Variants in ARL15 observed in about 807,000 individuals in gnomAD.
The protein encoded by ARL15 is ARF like GTPase 15.
ARL15 carries 19 observed loss-of-function variants against 25.2 expected under a neutral mutation model. The ratio of observed to expected loss-of-function variants is 0.75; its 90% CI spans 0.53 to 1.10. The LOEUF (loss-of-function observed/expected upper bound fraction) is 1.10, where lower values mean the gene tolerates loss of function less well. Among genes scored for constraint, ARL15 ranks in the 50% least tolerant of loss-of-function variants. ARL15 has a pLI of 0.00. For missense variants in ARL15, 220 were observed against 246.0 expected, an observed-to-expected ratio of 0.89 and a Z score of 0.71; for synonymous variants, 94 against 86.8, an observed-to-expected ratio of 1.08 and a Z score of -0.46.
At chr5:53,933,985 T>G (rs1746278087) in intron 4 of ARL15, among the ~76,000 whole-genome samples, 1 of 152,200 alleles carries the variant, frequency 6.6e-6, no homozygotes, top group African/African-American at 2.4e-5. Flanking sequence ...AAATAATTTT[T>G]CTTTTACTCT....
intron 4 of ARL15, among the ~76,000 whole-genome samples, chr5:53,988,788 G>A (rs763411709): frequency 2.0e-5 from 3 of 152,148 alleles, no homozygotes; most frequent in Non-Finnish European, 4.4e-5. Context: ...AGGTGCTGCC[G>A]ATAGATGAGT....
intron 2 of ARL15, among the ~76,000 whole-genome samples, chr5:54,161,658 G>C (rs944689470): frequency 6.6e-6 from 1 of 152,094 alleles, no homozygotes; most frequent in Non-Finnish European, 1.5e-5. Context: ...GATGTTATTT[G>C]TAAGTGTGGT....
At chr5:54,302,968 A>T (rs2112716373) in intron 1 of ARL15, among the ~76,000 whole-genome samples, 1 of 152,232 alleles carries the variant, frequency 6.6e-6, no homozygotes, top group African/African-American at 2.4e-5. Flanking sequence ...AAGCCCCTCA[A>T]TAATTTAATT....
intron 1 of ARL15, among the ~76,000 whole-genome samples, chr5:54,192,883 A>T (rs1420052640): frequency 1.3e-5 from 2 of 152,164 alleles, no homozygotes; most frequent in African/African-American, 4.8e-5. Context: ...GGAAATATGG[A>T]GGATATTGGT....
chr5:54,206,798 A>C (rs1755882773), intron 1 of ARL15, among the ~76,000 whole-genome samples: 2 of 152,180 alleles, frequency 1.3e-5, no homozygotes, highest in Non-Finnish European at 2.9e-5. Context: ...ATGTAAGGGC[A>C]GCCAACCTTA....
At chr5:53,916,293 T>TGAA (rs5867901) in intron 4 of ARL15, among the ~76,000 whole-genome samples, 1 of 141,912 alleles carries the variant, frequency 7.0e-6, no homozygotes, top group African/African-American at 2.6e-5. Context: ...AATGTAATAT[T>TGAA]AAAAAAAAAA....
chr5:54,145,615 T>TGTGTGTGTGTGC (rs1244974479), intron 3 of ARL15, among the ~76,000 whole-genome samples: 46 of 152,098 alleles, frequency 3.0e-4, no homozygotes, highest in African/African-American at 1.1e-3. Flanking sequence ...GGATGGTGTG[T>TGTGTGTGTGTGC]GTGTGTGTGT....
At chr5:54,143,406 T>G (rs1036101728) in intron 3 of ARL15, among the ~76,000 whole-genome samples, 4 of 152,030 alleles carry the variant, frequency 2.6e-5, no homozygotes, top group African/African-American at 4.8e-5. Context: ...TTTAAGTACT[T>G]TCTTTTTTAT....
At chr5:54,276,873 A>G (rs1351798665) in intron 1 of ARL15, among the ~76,000 whole-genome samples, 3 of 152,246 alleles carry the variant, frequency 2.0e-5, no homozygotes, top group African/African-American at 7.2e-5. Flanking sequence ...AGAAGCACAA[A>G]GGGGCAAAAA....
At chr5:53,954,667 C>T (rs16881895) in intron 4 of ARL15, among the ~76,000 whole-genome samples, 44,428 of 151,916 alleles carry the variant, frequency 0.29, 6,877 homozygotes, top group African/African-American at 0.37. Flanking sequence ...TGTTAGGCCT[C>T]TAGATCAAAT....
chr5:54,293,600 GCATCTATTC>G (rs1440224007), intron 1 of ARL15, among the ~76,000 whole-genome samples: 1 of 152,184 alleles, frequency 6.6e-6, no homozygotes, highest in East Asian at 1.9e-4. Flanking sequence ...AAGGAACTTT[GCATCTATTC>G]CAACCTCTCA....
rs142100103 is a variant in ARL15 at position 54,098,112 on chromosome 5, T to A, written c.462+15090A>T. ...TGTAGCATTAAAAAAGAATCTAGGG[T>A]CATATAATTATTTCATAAATATCTG... On this transcript the variant is annotated intron_variant, in intron 4 of 4. Transcript: ENST00000504924. 4.2e-3 allele frequency among the ~76,000 whole-genome samples: 634 copies of A among 152,244 alleles called. 4 individuals are homozygous for A. The highest frequency in any genetic ancestry group is 0.012 in the South Asian group (57 of 4,824).
At chr5:54,302,276 A>G (rs1364443320) in intron 1 of ARL15, among the ~76,000 whole-genome samples, 1 of 152,184 alleles carries the variant, frequency 6.6e-6, no homozygotes, top group Admixed American at 6.5e-5. Context: ...AGCACCGAAG[A>G]ATGCTCATGG....
At chr5:53,951,615 A>G in intron 4 of ARL15, 1 of 463,732 alleles carries the variant, frequency 2.2e-6, no homozygotes. Context: ...GGAAAACCTT[A>G]CTTACTCCTT....
In ARL15 at chr5:54,161,796, T is replaced by A. The variant is rs183583203; in HGVS notation, c.194-7157A>T. ...GTTTTAAATTTTTATATAGTTAAGT[T>A]CCTTGATCCTTCCCTTGTGAATGAT... On this transcript the variant is annotated intron_variant, in intron 2 of 4. Transcript: ENST00000504924. Among the ~76,000 whole-genome samples, 47 of 152,258 alleles carry A rather than the reference T, an allele frequency of 3.1e-4. No homozygotes were observed. In the East Asian group the frequency reaches 7.7e-3, roughly 25 times the overall value.
chr5:54,136,805 C>A (rs1657813181), intron 3 of ARL15, among the ~76,000 whole-genome samples: 1 of 151,620 alleles, frequency 6.6e-6, no homozygotes, highest in African/African-American at 2.4e-5. Context: ...CATACAAATC[C>A]ATAGTACTGC....
At chr5:53,910,057 A>G (rs1184477939) in intron 4 of ARL15, among the ~76,000 whole-genome samples, 1 of 152,222 alleles carries the variant, frequency 6.6e-6, no homozygotes, top group Admixed American at 6.5e-5. Context: ...TGTTTCTGGA[A>G]GGTGGGCAAC....
intron 4 of ARL15, among the ~76,000 whole-genome samples, chr5:54,029,716 G>A (rs1001095004): frequency 6.6e-6 from 1 of 152,060 alleles, no homozygotes; most frequent in Non-Finnish European, 1.5e-5. Context: ...AAGAATGGCT[G>A]GGCGCGGTGG....
intron 3 of ARL15, among the ~76,000 whole-genome samples, chr5:54,120,954 A>G (rs932170294): frequency 6.6e-6 from 1 of 152,214 alleles, no homozygotes; most frequent in South Asian, 2.1e-4. Context: ...TTTTATCAGA[A>G]ACTTTAACGT....
Sources: gnomAD v4.1 joint callset for allele counts (sites outside exome capture counted in the v4.1 genomes callset) on GRCh38, gnomAD v4.1.1 for gene constraint, MANE v1.5 for transcripts, NCBI Gene and HGNC (gene_info 2026-07-23, HGNC 2026-07-21) for gene names.